LRRTM4: variants seen among roughly 807,000 people sequenced by gnomAD.
LRRTM4 encodes the protein leucine-rich repeat transmembrane neuronal protein 4.
Under a neutral mutation model 47.6 loss-of-function variants are expected in LRRTM4, and 25 were observed. The ratio of observed to expected loss-of-function variants is 0.53; its 90% CI spans 0.38 to 0.73. LRRTM4 has a LOEUF of 0.73. Among genes scored for constraint, LRRTM4 ranks in the 30% least tolerant of loss-of-function variants. LRRTM4 has a pLI of 0.00. For synonymous variants in LRRTM4, 311 were observed against 269.5 expected (o/e 1.15, Z -1.51); for missense variants, 638 against 713.4 (o/e 0.89, Z 1.20).
chr2:77,117,825 C>G (rs1317384192), intron 3 of LRRTM4, among the ~76,000 whole-genome samples: 1 of 151,850 alleles, frequency 6.6e-6, no homozygotes, highest in African/African-American at 2.4e-5. Flanking sequence ...TGGACCTGCT[C>G]TAGGTGCTGG....
intron 3 of LRRTM4, among the ~76,000 whole-genome samples, chr2:77,425,903 G>A (rs771515006): frequency 5.9e-5 from 9 of 151,788 alleles, no homozygotes; most frequent in Non-Finnish European, 1.2e-4. Context: ...GATCACTTGA[G>A]ACCAGGTATT....
At chr2:77,224,329 G>A (rs1674738257) in intron 3 of LRRTM4, among the ~76,000 whole-genome samples, 1 of 152,146 alleles carries the variant, frequency 6.6e-6, no homozygotes, top group Non-Finnish European at 1.5e-5. Flanking sequence ...AACACCAGAA[G>A]CAATGGCAAC....
chr2:77,016,481 T>G (rs371079971), intron 3 of LRRTM4, among the ~76,000 whole-genome samples: 37 of 151,800 alleles, frequency 2.4e-4, no homozygotes, highest in African/African-American at 7.5e-4. Context: ...CGGGCCAGGG[T>G]AACTAAGAGC....
intron 3 of LRRTM4, among the ~76,000 whole-genome samples, chr2:77,284,383 C>A (rs939566441): frequency 1.1e-4 from 16 of 152,016 alleles, no homozygotes; most frequent in Non-Finnish European, 1.6e-4. Flanking sequence ...CTGGTAATTA[C>A]ATTTTATTTC....
intron 3 of LRRTM4, among the ~76,000 whole-genome samples, chr2:77,007,005 G>A (rs534013121): frequency 6.6e-6 from 1 of 152,184 alleles, no homozygotes; most frequent in Admixed American, 6.5e-5. Flanking sequence ...ATACCTAATA[G>A]GATGGGAATG....
chr2:77,015,768 A>G (rs1678043656), intron 3 of LRRTM4, among the ~76,000 whole-genome samples: 1 of 152,216 alleles, frequency 6.6e-6, no homozygotes, highest in Non-Finnish European at 1.5e-5. Flanking sequence ...AGAGAAACAG[A>G]AATACTGAGG....
intron 3 of LRRTM4, among the ~76,000 whole-genome samples, chr2:76,763,292 A>G (rs1316648892): frequency 6.6e-6 from 1 of 152,168 alleles, no homozygotes; most frequent in Admixed American, 6.5e-5. Flanking sequence ...TTCATCTCAA[A>G]TGTGGTTGTA....
At chr2:76,903,009 T>C (rs1673694949) in intron 3 of LRRTM4, among the ~76,000 whole-genome samples, 1 of 152,172 alleles carries the variant, frequency 6.6e-6, no homozygotes, top group African/African-American at 2.4e-5. Context: ...TCAATCAAAT[T>C]CCACAATTTC....
Position 76,915,243 on chromosome 2 carries a change from T to G in LRRTM4, c.1552-166327A>C, listed in dbSNP as rs536001238. On this transcript the variant is annotated intron_variant, in intron 3 of 3. Transcript: ENST00000409884. ...AGGTGGACTAATGGGTTGAAGTCTGTGGGAGAGTATGTATCACAAAAATCA... is the reference window on the plus strand; with the variant it reads ...AGGTGGACTAATGGGTTGAAGTCTGGGGGAGAGTATGTATCACAAAAATCA... 7.9e-5 allele frequency among the ~76,000 whole-genome samples: 12 copies of G among 152,220 alleles called. No homozygotes were observed. In the South Asian group the frequency reaches 2.3e-3, roughly 29 times the overall value.
intron 3 of LRRTM4, chr2:77,517,802 G>A (rs1043973364): frequency 2.0e-6 from 2 of 985,050 alleles, no homozygotes; most frequent in Non-Finnish European, 2.4e-6. Context: ...ACATGGGTGT[G>A]AGATCCCTGT....
chr2:77,043,519 G>A (rs1050442409), intron 3 of LRRTM4, among the ~76,000 whole-genome samples: 2 of 151,762 alleles, frequency 1.3e-5, no homozygotes, highest in Non-Finnish European at 2.9e-5. Context: ...GAATGTCATT[G>A]TGTTCAATTT....
At chr2:77,164,519 C>T (rs192363061) in intron 3 of LRRTM4, among the ~76,000 whole-genome samples, 1 of 152,312 alleles carries the variant, frequency 6.6e-6, no homozygotes, top group East Asian at 1.9e-4. Flanking sequence ...CTTCTCAGCA[C>T]CACACCACAC....
chr2:77,432,039 A>C (rs1675398503), intron 3 of LRRTM4, among the ~76,000 whole-genome samples: 1 of 152,176 alleles, frequency 6.6e-6, no homozygotes, highest in African/African-American at 2.4e-5. Flanking sequence ...GTGCCACTGC[A>C]GTCCAGCCAG....
At chr2:77,192,551 A>C (rs1396692309) in intron 3 of LRRTM4, among the ~76,000 whole-genome samples, 1 of 152,102 alleles carries the variant, frequency 6.6e-6, no homozygotes. Flanking sequence ...AAAATGTAAA[A>C]ATAATTTTAA....
chr2:76,795,352 C>T (rs1164519343), intron 3 of LRRTM4, among the ~76,000 whole-genome samples: 1 of 152,092 alleles, frequency 6.6e-6, no homozygotes, highest in African/African-American at 2.4e-5. Context: ...AGTTCTATAT[C>T]CATGAATTTA....
intron 3 of LRRTM4, among the ~76,000 whole-genome samples, chr2:77,433,958 C>T (rs1305008007): frequency 2.0e-5 from 3 of 151,998 alleles, no homozygotes; most frequent in Admixed American, 6.6e-5. Context: ...ACAACAGAAT[C>T]TCTACACAAG....
intron 3 of LRRTM4, among the ~76,000 whole-genome samples, chr2:77,114,896 A>T (rs1671345840): frequency 6.6e-6 from 1 of 152,160 alleles, no homozygotes; most frequent in Non-Finnish European, 1.5e-5. Context: ...ATGAGGGTCT[A>T]TGTCCCGCTG....
chr2:77,062,488 A>C (rs993471225), intron 3 of LRRTM4, among the ~76,000 whole-genome samples: 3 of 152,186 alleles, frequency 2.0e-5, no homozygotes, highest in Non-Finnish European at 2.9e-5. Context: ...TCAGTGTTTA[A>C]ACTGATGAGT....
chr2:76,995,925 G>A (rs1677185477), intron 3 of LRRTM4, among the ~76,000 whole-genome samples: 1 of 151,988 alleles, frequency 6.6e-6, no homozygotes, highest in South Asian at 2.1e-4. Context: ...AGTAACTTAA[G>A]AATACTATTT....
Sources: gnomAD v4.1 joint callset for allele counts (sites outside exome capture counted in the v4.1 genomes callset) on GRCh38, gnomAD v4.1.1 for gene constraint, MANE v1.5 for transcripts, NCBI Gene and HGNC (gene_info 2026-07-23, HGNC 2026-07-21) for gene names.